Variants in ZNF562 observed in about 807,000 individuals in gnomAD.
The protein encoded by ZNF562 is zinc finger protein 562.
In ZNF562, 13 loss-of-function variants were observed where a neutral mutation model predicts 17.5. The observed-to-expected ratio is 0.74, with a 90% confidence interval of 0.48 to 1.18. ZNF562 has a LOEUF of 1.18. Ranked by LOEUF, ZNF562 falls within the 50% of genes most tolerant of loss-of-function variation. The pLI, the probability that ZNF562 is intolerant of heterozygous loss-of-function variation, is 0.00. For missense variants in ZNF562, 481 were observed against 498.5 expected (o/e 0.96, Z 0.33); for synonymous variants, 163 against 165.4 (o/e 0.99, Z 0.11).
Position 9,651,082 on chromosome 19 carries a change from A to G in ZNF562, c.*1867T>C, listed in dbSNP as rs977206391. 1 of 151,814 alleles carries G rather than the reference A, an allele frequency of 6.6e-6. No individual in the cohort carries two copies. The highest frequency in any genetic ancestry group is 2.4e-5 in the African/African-American group (1 of 41,280). 9.4% of individuals were successfully genotyped at this position (151,814 alleles called of 1,614,324 possible). ...GTTGTCTGAGCTGACTAAGGCAGATATTGGTACTGAGAAGTGAGGTACTGC... is the reference window on the plus strand; with the variant it reads ...GTTGTCTGAGCTGACTAAGGCAGATGTTGGTACTGAGAAGTGAGGTACTGC... On this transcript the variant is annotated 3_prime_UTR_variant, in exon 6 of 6. Coordinates refer to ENST00000453372, the MANE Select transcript of ZNF562 (RefSeq NM_001130031.2).
At chr19:9,669,455 A>G (rs994723496) in intron 1 of ZNF562, among the ~76,000 whole-genome samples, 1 of 152,264 alleles carries the variant, frequency 6.6e-6, no homozygotes, top group African/African-American at 2.4e-5. Context: ...ACAGGGAATA[A>G]CAAATGCTGA....
intron 1 of ZNF562, among the ~76,000 whole-genome samples, chr19:9,671,418 A>G (rs924109540): frequency 6.6e-6 from 1 of 152,066 alleles, no homozygotes; most frequent in Non-Finnish European, 1.5e-5. Flanking sequence ...ACAAGGAGCA[A>G]TGAGCCATGA....
At chr19:9,656,488 G>A (rs2043488489) in intron 5 of ZNF562, 59 bp downstream of exon 5, 4 of 1,584,886 alleles carry the variant, frequency 2.5e-6, no homozygotes, top group Non-Finnish European at 3.5e-6. Context: ...CAGCCTGGCA[G>A]AGCAAGACTC....
Position 9,666,215 on chromosome 19 carries a change from C to T in ZNF562, c.-130-5341G>A, listed in dbSNP as rs137873186. 6.6e-3 allele frequency among the ~76,000 whole-genome samples: 1,002 copies of T among 150,796 alleles called. 8 individuals are homozygous for T. Among genetic ancestry groups the T allele is most frequent in the African/African-American group, 0.023 (955 of 41,036 alleles). On this transcript the variant is annotated intron_variant, in intron 1 of 5. Coordinates refer to ENST00000453372, the MANE Select transcript of ZNF562 (RefSeq NM_001130031.2). ...GGTGCATGCCTGTAATCCCACTACT[C>T]GGGAGGCTGAAGCAGGAGAATCGCT... is the stretch of plus-strand genomic sequence containing the variant.
intron 3 of ZNF562, 85 bp downstream of exon 3, chr19:9,659,294 T>A: frequency 8.0e-7 from 1 of 1,243,406 alleles, no homozygotes; most frequent in South Asian, 1.4e-5. Context: ...AAGAAAACTC[T>A]GGAGATGAGT....
Position 9,649,518 on chromosome 19 carries a change from A to C in ZNF562, c.*3431T>G, listed in dbSNP as rs1166967309. ...GGAACATCCTTGAGAAAGAGAATGC[A>C]CACCTGGGAGTGGGTCTCTGAACTG... On this transcript the variant is annotated 3_prime_UTR_variant, in exon 6 of 6. Transcript: ENST00000453372. 1 of 152,192 alleles carries C rather than the reference A, an allele frequency of 6.6e-6. No homozygotes were observed. Among genetic ancestry groups the C allele is most frequent in the Non-Finnish European group, 1.5e-5 (1 of 68,024 alleles). 9.4% of individuals were successfully genotyped at this position (152,192 alleles called of 1,614,324 possible).
chr19:9,669,595 G>A (rs1328206594), intron 1 of ZNF562, among the ~76,000 whole-genome samples: 1 of 152,082 alleles, frequency 6.6e-6, no homozygotes, highest in Non-Finnish European at 1.5e-5. Context: ...GCTGCGGTGG[G>A]AGATCACTTG....
At chr19:9,662,463 G>C (rs953787540) in intron 1 of ZNF562, among the ~76,000 whole-genome samples, 2 of 151,822 alleles carry the variant, frequency 1.3e-5, no homozygotes, top group Admixed American at 6.6e-5. Flanking sequence ...TCAGAAGGCT[G>C]AGGCAGGAGA....
At position 9,651,022 on chromosome 19, in the gene ZNF562, T is replaced by A. The variant is rs952754403; in HGVS notation, c.*1927A>T. On this transcript the variant is annotated 3_prime_UTR_variant, in exon 6 of 6. Coordinates refer to ENST00000453372, the MANE Select transcript of ZNF562 (RefSeq NM_001130031.2). ...CCTCATTGATTTAAAATTAAATTAA[T>A]TTCTAAGCCATTTGGTCTGCGGTAT... is the stretch of plus-strand genomic sequence containing the variant. 6.6e-6 allele frequency: 1 copy of A among 150,614 alleles called. No individual in the cohort carries two copies. Among genetic ancestry groups the A allele is most frequent in the African/African-American group, 2.5e-5 (1 of 40,580 alleles). 9.3% of individuals were successfully genotyped at this position (150,614 alleles called of 1,614,324 possible). A position where few individuals can be genotyped will look rare whatever the true frequency, so the allele number is the denominator to read the frequency against.
Position 9,642,321 on chromosome 19 carries a change from CA to C in ZNF562, c.*10627del, listed in dbSNP as rs1378047372. 1 of 150,350 alleles carries C rather than the reference CA, an allele frequency of 6.7e-6. No individual in the cohort carries two copies. The highest frequency in any genetic ancestry group is 1.5e-5 in the Non-Finnish European group (1 of 67,686). 9.3% of individuals were successfully genotyped at this position (150,350 alleles called of 1,614,324 possible). On this transcript the variant is annotated 3_prime_UTR_variant, in exon 6 of 6. Coordinates refer to ENST00000453372, the MANE Select transcript of ZNF562 (RefSeq NM_001130031.2). ...AAAAAAAAACAGGGTTTCACTCTGT[CA>C]CACAGGCTGAAGTATAGTGGCATTA... is the stretch of plus-strand genomic sequence containing the variant.
chr19:9,654,206 G>C (rs547073977), intron 5 of ZNF562, among the ~76,000 whole-genome samples: 3 of 152,162 alleles, frequency 2.0e-5, no homozygotes, highest in African/African-American at 7.2e-5. Flanking sequence ...GCCCAGGCTG[G>C]TCTCAAACTC....
In ZNF562 at chr19:9,650,020, A is replaced by C. The variant is rs1053631318; in HGVS notation, c.*2929T>G. 1 of 152,178 alleles carries C rather than the reference A, an allele frequency of 6.6e-6. No individual in the cohort carries two copies. Among genetic ancestry groups the C allele is most frequent in the Non-Finnish European group, 1.5e-5 (1 of 68,024 alleles). The allele number at this position is 152,178 out of a possible 1,614,324, so 9.4% of individuals were successfully genotyped here. A position where few individuals can be genotyped will look rare whatever the true frequency, so the allele number is the denominator to read the frequency against. ...GGCTGACACTTAGGGAAAATAGAAA[A>C]GAACCTATGTGAATATCGGGGCTGG... On this transcript the variant is annotated 3_prime_UTR_variant, in exon 6 of 6. Coordinates refer to ENST00000453372, the MANE Select transcript of ZNF562 (RefSeq NM_001130031.2).
At chr19:9,655,145 C>T (rs113434931) in intron 5 of ZNF562, among the ~76,000 whole-genome samples, 18,930 of 151,906 alleles carry the variant, frequency 0.12, 1,404 homozygotes, top group Admixed American at 0.23. Flanking sequence ...TGCATGCCAA[C>T]GTGCCCGGCT....
At position 9,653,617 on chromosome 19, in the gene ZNF562, T is replaced by G; in HGVS notation, c.613A>C (p.Lys205Gln). The change falls in exon 6 of 6, where the codon AAA (lysine) becomes CAA (glutamine). Residue 205 changes from lysine (K) to glutamine (Q), a missense_variant. Physicochemically the swap from Lys to Gln is moderately conservative, Grantham distance 53. This residue lies in a region of ZNF562 where 403 missense variants were observed against 386.4 expected (regional missense o/e 1.04). Transcript: ENST00000453372. ...AAGCCTTTTCCACATTCCTTACATT[T>G]GTAGGGTTGTCTTCCATTGAGAATT... Reference protein sequence around the residue: ...LEILNGRQPYKCKECGKGFKY... With the variant: ...LEILNGRQPYQCKECGKGFKY... 6.2e-7 allele frequency: 1 copy of G among 1,614,116 alleles called. No individual in the cohort carries two copies. The highest frequency in any genetic ancestry group is 8.5e-7 in the Non-Finnish European group (1 of 1,179,982).
Position 9,664,440 on chromosome 19 carries a change from T to C in ZNF562, c.-130-3566A>G, listed in dbSNP as rs530329155. Among the ~76,000 whole-genome samples the C allele has an allele frequency of 2.6e-5, 4 of 152,342 alleles. No homozygotes were observed. In the East Asian group the frequency reaches 7.7e-4, roughly 29 times the overall value. On this transcript the variant is annotated intron_variant, in intron 1 of 5. Transcript: ENST00000453372. ...TTGTTATCAGTACTTACAAAAACTA[T>C]TATGTTATGGTTAAGTTGTTCCACC...
Position 9,646,065 on chromosome 19 carries a change from T to G in ZNF562, c.*6884A>C, listed in dbSNP as rs566476377. The G allele has an allele frequency of 1.3e-5, 2 of 150,750 alleles. No homozygotes were observed. Among genetic ancestry groups the G allele is most frequent in the Non-Finnish European group, 3.0e-5 (2 of 67,646 alleles). 9.3% of individuals were successfully genotyped at this position (150,750 alleles called of 1,614,324 possible). A position where few individuals can be genotyped will look rare whatever the true frequency, so the allele number is the denominator to read the frequency against. The stretch of plus-strand genomic sequence containing the variant: ...ATTGTTAATTGGTATTATTCAAGTA[T>G]TTTTTCTTTTTTTTTTTTTTTTTGT... On this transcript the variant is annotated 3_prime_UTR_variant, in exon 6 of 6. Transcript: ENST00000453372.
chr19:9,665,774 G>T (rs2043933680), intron 1 of ZNF562, among the ~76,000 whole-genome samples: 1 of 152,088 alleles, frequency 6.6e-6, no homozygotes, highest in Non-Finnish European at 1.5e-5. Context: ...AATCATTTTG[G>T]GAGGCCGACA....
intron 1 of ZNF562, among the ~76,000 whole-genome samples, chr19:9,668,834 AT>A (rs2044044431): frequency 6.6e-6 from 1 of 152,204 alleles, no homozygotes; most frequent in African/African-American, 2.4e-5. Context: ...CAGACAGCTC[AT>A]TTTCAACAAA....
intron 4 of ZNF562, among the ~76,000 whole-genome samples, chr19:9,657,760 G>A (rs1203038353): frequency 6.6e-6 from 1 of 151,944 alleles, no homozygotes; most frequent in Non-Finnish European, 1.5e-5. Flanking sequence ...TGTTAGCCAG[G>A]CTGGTCTTGA....
Sources: gnomAD v4.1 joint callset for allele counts (sites outside exome capture counted in the v4.1 genomes callset) on GRCh38, gnomAD v4.1.1 for gene constraint, gnomAD v4.1.1 regional missense constraint, MANE v1.5 for transcripts, NCBI Gene and HGNC (gene_info 2026-07-23, HGNC 2026-07-21) for gene names.